HMGXB3: variants seen among roughly 807,000 people sequenced by gnomAD.
The protein encoded by HMGXB3 is HMG-box containing 3.
Under a neutral mutation model 121.5 loss-of-function variants are expected in HMGXB3, and 45 were observed. That is an observed-to-expected ratio of 0.37 (90% CI 0.29 to 0.47). HMGXB3 has a LOEUF of 0.47. Among genes scored for constraint, HMGXB3 ranks in the 20% least tolerant of loss-of-function variants. HMGXB3 has a pLI of 0.99. For missense variants in HMGXB3, 1,376 were observed against 1,602.2 expected (o/e 0.86, Z 2.41); for synonymous variants, 590 against 624.1 (o/e 0.95, Z 0.81).
chr5:150,026,291 T>C (rs1756228377), intron 7 of HMGXB3, among the ~76,000 whole-genome samples: 1 of 152,232 alleles, frequency 6.6e-6, no homozygotes, highest in Non-Finnish European at 1.5e-5. Flanking sequence ...GGCCATGTGC[T>C]CAACATTGGT....
Position 150,010,534 on chromosome 5 carries a change from G to A in HMGXB3, c.736G>A (p.Asp246Asn). The change falls in exon 4 of 20, where the codon GAC becomes AAC. Residue 246 changes from aspartate to asparagine, a missense_variant. Physicochemically the swap from Asp to Asn is conservative, Grantham distance 23. Around this residue, in one of 2 missense-constraint regions of HMGXB3, gnomAD observed 1,116 missense variants for 1,369.0 expected, o/e 0.82. Coordinates refer to ENST00000502717, the MANE Select transcript of HMGXB3 (RefSeq NM_014983.3). ...IEETLVNGSP[D>N]LPTGSLAVPH... ...AGAGACCTTGGTGAATGGCTCACCA[G>A]ACCTCCCCACTGGAAGCCTGGCTGT... is the stretch of plus-strand genomic sequence containing the variant. 1.9e-6 allele frequency: 3 copies of A among 1,551,572 alleles called. No homozygotes were observed. Among genetic ancestry groups the A allele is most frequent in the Non-Finnish European group, 2.6e-6 (3 of 1,146,988 alleles).
intron 6 of HMGXB3, among the ~76,000 whole-genome samples, chr5:150,022,714 C>G (rs1367073403): frequency 1.3e-5 from 2 of 151,910 alleles, no homozygotes; most frequent in Non-Finnish European, 2.9e-5. Context: ...GTGCACTTGA[C>G]TTGGAATTTT....
intron 3 of HMGXB3, 140 bp from the exon 4 acceptor site, chr5:150,009,971 G>A (rs1048745388): frequency 3.4e-6 from 3 of 893,944 alleles, no homozygotes; most frequent in African/African-American, 3.4e-5. Flanking sequence ...TCTGAATTAG[G>A]TCAAGAGAGT....
Position 150,047,605 on chromosome 5 carries a change from G to A in HMGXB3, c.2951-19G>A, listed in dbSNP as rs1264866607. 3.9e-6 allele frequency: 6 copies of A among 1,551,486 alleles called. No homozygotes were observed. Among genetic ancestry groups the A allele is most frequent in the Non-Finnish European group, 5.2e-6 (6 of 1,146,872 alleles). On this transcript the variant is annotated intron_variant, in intron 16 of 19. Coordinates refer to ENST00000502717, the MANE Select transcript of HMGXB3 (RefSeq NM_014983.3). ...GACTGGCGGCAGCACCCTCCCACCAGCACTGTTGTCTCTTGCAGGCAGTGG... is the reference window on the plus strand; with the variant it reads ...GACTGGCGGCAGCACCCTCCCACCAACACTGTTGTCTCTTGCAGGCAGTGG...
At chr5:150,005,586 C>T (rs1319941474) in intron 2 of HMGXB3, among the ~76,000 whole-genome samples, 7 of 116,624 alleles carry the variant, frequency 6.0e-5, no homozygotes, top group East Asian at 2.2e-4. Flanking sequence ...CCAACAAGAA[C>T]GAAACTCCTC....
intron 11 of HMGXB3, among the ~76,000 whole-genome samples, chr5:150,034,616 C>T (rs186958821): frequency 2.5e-4 from 38 of 152,256 alleles, no homozygotes; most frequent in African/African-American, 8.7e-4. Context: ...ACTGCCCACC[C>T]CCAGGACCCT....
chr5:150,052,430 T>C lies in HMGXB3; in HGVS notation c.*238T>C, dbSNP rs1274022800. On this transcript the variant is annotated 3_prime_UTR_variant, in exon 20 of 20. Coordinates refer to ENST00000502717, the MANE Select transcript of HMGXB3 (RefSeq NM_014983.3). ...CCTCTTCTGGCCCCGAGAGAGCACT[T>C]GGGGGACACGGTATGTTTAATGGAG... 14 of 525,766 alleles carry C rather than the reference T, an allele frequency of 2.7e-5. No individual in the cohort carries two copies. The highest frequency in any genetic ancestry group is 4.8e-5 in the Non-Finnish European group (14 of 293,084). The allele number at this position is 525,766 out of a possible 1,614,324, so 32.6% of individuals were successfully genotyped here.
chr5:150,027,133 C>T lies in HMGXB3; in HGVS notation c.1734+16C>T. 1 of 1,546,340 alleles carries T rather than the reference C, an allele frequency of 6.5e-7. No homozygotes were observed. Among genetic ancestry groups the T allele is most frequent in the Non-Finnish European group, 8.7e-7 (1 of 1,143,380 alleles). The stretch of plus-strand genomic sequence containing the variant: ...TGAGGTGAAGGTAAGGCCCATTTTC[C>T]AGAGTGGGAGCTGTTTGAGGGTCTG... On this transcript the variant is annotated intron_variant, in intron 9 of 19. Transcript: ENST00000502717.
intron 6 of HMGXB3, among the ~76,000 whole-genome samples, chr5:150,023,971 A>C (rs1561864738): frequency 1.3e-5 from 2 of 152,256 alleles, no homozygotes; most frequent in Non-Finnish European, 2.9e-5. Flanking sequence ...TAAACCTAAA[A>C]AATGCCAACA....
In HMGXB3 at chr5:150,045,475, C is replaced by A; in HGVS notation, c.2740C>A (p.Pro914Thr). The stretch of plus-strand genomic sequence containing the variant: ...TATCCTGACCTTCTAGTTCACCTGG[C>A]CTGAATTCCTGGGCTCTAATGAGGT... ...LALKSVEFTW[P>T]EFLGSNEVNV... The change falls in exon 16 of 20, where the codon CCT becomes ACT. Residue 914 changes from proline to threonine, a missense_variant. Pro to Thr is a conservative substitution (Grantham distance 38). Transcript: ENST00000502717. The A allele has an allele frequency of 6.4e-7, 1 of 1,552,110 alleles. No individual in the cohort carries two copies. Among genetic ancestry groups the A allele is most frequent in the South Asian group, 1.2e-5 (1 of 84,058 alleles).
intron 1 of HMGXB3, among the ~76,000 whole-genome samples, chr5:150,004,153 C>T (rs936365885): frequency 4.6e-5 from 7 of 151,962 alleles, no homozygotes; most frequent in East Asian, 1.9e-4. Context: ...AGATTATAGG[C>T]GTGAGTCACT....
rs976813049 is a variant in HMGXB3, at chr5:150,024,448, G to C, written c.1228G>C (p.Gly410Arg). Residue 410 changes from glycine to arginine, a missense_variant, in exon 7 of 20, where the codon GGT (glycine) becomes CGT (arginine). Gly to Arg is a moderately radical substitution (Grantham distance 125, BLOSUM62 -2). Transcript: ENST00000502717. Reference sequence around the variant, plus strand: ...GAACGTAGCTCCTCCCAGAGAAGTAGGTGAGGAGAGTGAGTGGGAGGAAGT... The same window carrying C: ...GAACGTAGCTCCTCCCAGAGAAGTACGTGAGGAGAGTGAGTGGGAGGAAGT... ...LLNVAPPREV[G>R]EESEWEEVII... The C allele has an allele frequency of 2.6e-6, 4 of 1,551,688 alleles. No homozygotes were observed. In the African/African-American group the frequency reaches 5.5e-5, roughly 21 times the overall value.
chr5:150,031,190 A>AC (rs1756369557), intron 10 of HMGXB3, among the ~76,000 whole-genome samples: 2 of 152,230 alleles, frequency 1.3e-5, no homozygotes, highest in South Asian at 4.1e-4. Flanking sequence ...CATTTAGGCA[A>AC]CGTTGCCTTT....
At chr5:150,010,732 T>A (rs1242828173) in intron 4 of HMGXB3, 124 bp downstream of exon 4, 2 of 937,074 alleles carry the variant, frequency 2.1e-6, no homozygotes, top group African/African-American at 3.3e-5. Context: ...TTACTGATAC[T>A]GCAGTTCTCT....
At position 150,024,568 on chromosome 5, in the gene HMGXB3, C is replaced by T. The variant is rs542849731; in HGVS notation, c.1348C>T (p.Pro450Ser). Residue 450 changes from proline (P) to serine (S), a missense_variant, in exon 7 of 20, where the codon CCT (proline) becomes TCT (serine). This residue lies in a region of HMGXB3 where 1,116 missense variants were observed against 1,369.0 expected (regional missense o/e 0.82). Coordinates refer to ENST00000502717, the MANE Select transcript of HMGXB3 (RefSeq NM_014983.3). ...GCCAGTCGTCAAAAGTGGTGTGCAGCCTGAGGTCACTCTGGGGACAACTGA... is the reference window on the plus strand; with the variant it reads ...GCCAGTCGTCAAAAGTGGTGTGCAGTCTGAGGTCACTCTGGGGACAACTGA... ...KTPVVKSGVQ[P>S]EVTLGTTDND... The T allele has an allele frequency of 2.6e-5, 40 of 1,551,730 alleles. No homozygotes were observed. The East Asian group carries it at 9.5e-4, about 37-fold the overall frequency.
At chr5:150,014,486 A>G (rs142469097) in intron 5 of HMGXB3, among the ~76,000 whole-genome samples, 2 of 152,356 alleles carry the variant, frequency 1.3e-5, no homozygotes, top group African/African-American at 4.8e-5. Context: ...GTAGCACTTT[A>G]AAGAAAACCA....
At chr5:150,026,382 T>G (rs1424586945) in intron 7 of HMGXB3, among the ~76,000 whole-genome samples, 1 of 152,126 alleles carries the variant, frequency 6.6e-6, no homozygotes, top group African/African-American at 2.4e-5. Context: ...TAACTAGAGG[T>G]AGATTAGATG....
Position 150,036,739 on chromosome 5 carries a change from T to A in HMGXB3, c.2087T>A (p.Val696Asp). The change falls in exon 12 of 20, where the codon GTC (valine) becomes GAC (aspartate). Residue 696 changes from valine to aspartate, a missense_variant. By Grantham distance (152) the Val-to-Asp change is radical. Transcript: ENST00000502717. ...RQSTLQLLRKVLQIPENESEL... is the reference protein window; with the variant it reads ...RQSTLQLLRKDLQIPENESEL... ...TCCACACTGCAGCTGCTGCGCAAAG[T>A]CCTGCAGATTCCTGAGAATGAGTCA... The A allele has an allele frequency of 1.9e-6, 3 of 1,551,666 alleles. No homozygotes were observed. Among genetic ancestry groups the A allele is most frequent in the Non-Finnish European group, 2.6e-6 (3 of 1,146,996 alleles).
At chr5:150,020,151 T>G (rs991728638) in intron 6 of HMGXB3, among the ~76,000 whole-genome samples, 2 of 152,248 alleles carry the variant, frequency 1.3e-5, no homozygotes, top group African/African-American at 4.8e-5. Flanking sequence ...CTGGTACATA[T>G]TAAATCCTCA....
Sources: gnomAD v4.1 joint callset for allele counts (sites outside exome capture counted in the v4.1 genomes callset) on GRCh38, gnomAD v4.1.1 for gene constraint, gnomAD v4.1.1 regional missense constraint, MANE v1.5 for transcripts, NCBI Gene and HGNC (gene_info 2026-07-23, HGNC 2026-07-21) for gene names.